Variants in BCHE observed in about 807,000 individuals in gnomAD.
The protein encoded by BCHE is butyrylcholinesterase, also known as cholinesterase.
Under a neutral mutation model 51.3 loss-of-function variants are expected in BCHE, and 48 were observed. The observed-to-expected ratio is 0.94, with a 90% CI of 0.74 to 1.19. The LOEUF (loss-of-function observed/expected upper bound fraction) is 1.19. BCHE is among the 50% of genes most tolerant of loss of function. The pLI, the probability that BCHE is intolerant of heterozygous loss-of-function variation, is 0.00. For missense variants in BCHE, 847 were observed against 708.2 expected (o/e 1.20, Z -2.23); for synonymous variants, 251 against 238.0 (o/e 1.05, Z -0.50).
rs1057517208 is a variant in BCHE, at chr3:165,830,415, G to A, written c.619C>T (p.Gln207Ter). 1 of 1,613,570 alleles carries A rather than the reference G, an allele frequency of 6.2e-7. No individual in the cohort carries two copies. The highest frequency in any genetic ancestry group is 1.3e-5 in the African/African-American group (1 of 74,870). ...FDQQLALQWV[Q>*]KNIAAFGGNP... ...CCACCAAAGGCTGCTATATTTTTTT[G>A]AACCCACTGAAGAGCCAACTGTTGA... The change falls in exon 2 of 4, where the codon CAA becomes TAA. Residue 207 changes from glutamine (Q) to a stop codon, truncating the protein, a stop_gained. Coordinates refer to ENST00000264381, the MANE Select transcript of BCHE (RefSeq NM_000055.4). LOFTEE classifies it high-confidence loss of function.
intron 2 of BCHE, among the ~76,000 whole-genome samples, chr3:165,810,761 T>C (rs900306612): frequency 6.6e-6 from 1 of 152,144 alleles, no homozygotes; most frequent in Non-Finnish European, 1.5e-5. Context: ...TGAGGTAAGC[T>C]TGCTGTTACT....
intron 2 of BCHE, among the ~76,000 whole-genome samples, chr3:165,795,126 C>A (rs139512676): frequency 2.0e-4 from 30 of 152,264 alleles, no homozygotes. Flanking sequence ...AAGAAACTCA[C>A]ATTTTCTCAT....
rs115017300 is a variant in BCHE, at chr3:165,829,542, G to T, written c.1492C>A (p.Arg498=). Residue 498 remains arginine (R), a synonymous_variant, in exon 2 of 4, where the codon CGG becomes AGG. Coordinates refer to ENST00000264381, the MANE Select transcript of BCHE (RefSeq NM_000055.4). ...EEILSRSIVK[R]WANFAKYGNP... The stretch of plus-strand genomic sequence containing the variant: ...CCATATTTTGCAAAATTTGCCCACC[G>T]TTTCACTATGGATCTACTCAAAATT... 1 of 1,613,434 alleles carries T rather than the reference G, an allele frequency of 6.2e-7. No homozygotes were observed. The highest frequency in any genetic ancestry group is 8.5e-7 in the Non-Finnish European group (1 of 1,179,728).
At position 165,775,226 on chromosome 3, in the gene BCHE, A is replaced by G. The variant is rs1410907954; in HGVS notation, c.1685-1720T>C. ...ATTTAAACCTTTTTGCAGACATTAC[A>G]ATATCCCTTGTAATTTAGGATATAT... On this transcript the variant is annotated intron_variant, in intron 3 of 3. Transcript: ENST00000264381. 7.2e-5 allele frequency among the ~76,000 whole-genome samples: 11 copies of G among 152,158 alleles called. No individual in the cohort carries two copies. The East Asian group carries it at 1.7e-3, about 24-fold the overall frequency.
intron 2 of BCHE, among the ~76,000 whole-genome samples, chr3:165,822,915 C>T (rs535229726): frequency 3.9e-5 from 6 of 151,996 alleles, no homozygotes; most frequent in South Asian, 2.1e-4. Context: ...TAATTTTTTT[C>T]GCTATCAAGT....
chr3:165,828,647 A>C (rs2108233669), intron 2 of BCHE, among the ~76,000 whole-genome samples: 1 of 152,190 alleles, frequency 6.6e-6, no homozygotes, highest in Non-Finnish European at 1.5e-5. Context: ...TAAATTTCTA[A>C]ATTTCTATTT....
At chr3:165,796,610 G>T (rs1713387341) in intron 2 of BCHE, among the ~76,000 whole-genome samples, 1 of 152,082 alleles carries the variant, frequency 6.6e-6, no homozygotes, top group Non-Finnish European at 1.5e-5. Context: ...GAGATGTAGT[G>T]TGTTTTTTTA....
chr3:165,781,718 T>C (rs1443079652), intron 3 of BCHE, among the ~76,000 whole-genome samples: 2 of 151,512 alleles, frequency 1.3e-5, no homozygotes, highest in South Asian at 2.1e-4. Flanking sequence ...GTAACAAACC[T>C]GCACGTTCTA....
At chr3:165,810,175 T>G (rs1299826758) in intron 2 of BCHE, among the ~76,000 whole-genome samples, 2 of 152,130 alleles carry the variant, frequency 1.3e-5, no homozygotes, top group Non-Finnish European at 2.9e-5. Flanking sequence ...GCTTACTGAG[T>G]TTTTAAACAT....
chr3:165,810,235 G>A (rs537853477), intron 2 of BCHE, among the ~76,000 whole-genome samples: 1 of 152,232 alleles, frequency 6.6e-6, no homozygotes, highest in South Asian at 2.1e-4. Context: ...CCAGTGTGAG[G>A]TAAGGATATT....
intron 2 of BCHE, among the ~76,000 whole-genome samples, chr3:165,819,966 T>C (rs888541982): frequency 2.6e-5 from 4 of 152,170 alleles, no homozygotes; most frequent in Non-Finnish European, 5.9e-5. Flanking sequence ...GAATTTAATA[T>C]GTACAAGTGG....
At chr3:165,820,054 C>T (rs958977683) in intron 2 of BCHE, among the ~76,000 whole-genome samples, 6 of 152,060 alleles carry the variant, frequency 3.9e-5, no homozygotes, top group Non-Finnish European at 8.8e-5. Flanking sequence ...CCAAGTAAAT[C>T]GATCCTATAA....
intron 1 of BCHE, among the ~76,000 whole-genome samples, chr3:165,836,522 T>C (rs899473204): frequency 1.3e-4 from 20 of 152,020 alleles, no homozygotes; most frequent in Non-Finnish European, 2.6e-4. Context: ...TTACTTTTAG[T>C]CATTCATAGA....
chr3:165,826,374 C>G (rs967546546), intron 2 of BCHE, among the ~76,000 whole-genome samples: 6 of 151,964 alleles, frequency 3.9e-5, no homozygotes, highest in Middle Eastern at 3.4e-3. Flanking sequence ...TTATGCTGAG[C>G]AAAAGAAGCG....
chr3:165,807,973 G>GTT (rs200905474), intron 2 of BCHE, among the ~76,000 whole-genome samples: 1 of 149,998 alleles, frequency 6.7e-6, no homozygotes, highest in African/African-American at 2.5e-5. Flanking sequence ...ATTGTTGCTT[G>GTT]TTTTTTTTTG....
At chr3:165,795,975 C>G (rs1471755318) in intron 2 of BCHE, among the ~76,000 whole-genome samples, 1 of 151,678 alleles carries the variant, frequency 6.6e-6, no homozygotes, top group Non-Finnish European at 1.5e-5. Context: ...GAGAAGAACC[C>G]CACAGGAAAT....
intron 2 of BCHE, among the ~76,000 whole-genome samples, chr3:165,804,882 A>C (rs1713815299): frequency 6.6e-6 from 1 of 152,222 alleles, no homozygotes; most frequent in South Asian, 2.1e-4. Flanking sequence ...TCACATATTT[A>C]AACATAAACA....
Position 165,830,333 on chromosome 3 carries a change from A to T in BCHE, c.701T>A (p.Leu234Gln), listed in dbSNP as rs1389945251. 1 of 1,614,014 alleles carries T rather than the reference A, an allele frequency of 6.2e-7. No individual in the cohort carries two copies. The highest frequency in any genetic ancestry group is 8.5e-7 in the Non-Finnish European group (1 of 1,179,938). The change falls in exon 2 of 4, where the codon CTG becomes CAG. Residue 234 changes from leucine (L) to glutamine (Q), a missense_variant. Leu to Gln is a moderately radical substitution (Grantham distance 113). Transcript: ENST00000264381. ...ATGGCTTCCAGGAGAAAGCAAATGC[A>T]GGCTAACTGAAGCTGCTCCTGCACT... ...GESAGAASVS[L>Q]HLLSPGSHSL... is the part of the protein sequence containing the mutation.
At chr3:165,818,872 T>C (rs1714406009) in intron 2 of BCHE, among the ~76,000 whole-genome samples, 3 of 151,972 alleles carry the variant, frequency 2.0e-5, no homozygotes, top group Admixed American at 2.0e-4. Flanking sequence ...ATAAGAGAAA[T>C]AGAGACATAG....
Sources: allele counts gnomAD v4.1 joint callset (sites outside exome capture counted in the v4.1 genomes callset), GRCh38; gene constraint gnomAD v4.1.1; transcripts MANE v1.5; gene names NCBI Gene and HGNC (gene_info 2026-07-23, HGNC 2026-07-21).